MRPL48: variants seen among roughly 807,000 people sequenced by gnomAD.
MRPL48 encodes the protein mitochondrial ribosomal protein L48.
In MRPL48, 16 loss-of-function variants were observed where a neutral mutation model predicts 32.9. The observed-to-expected ratio is 0.49, with a 90% CI of 0.33 to 0.74. The LOEUF (loss-of-function observed/expected upper bound fraction) is 0.74, where lower values mean the gene tolerates loss of function less well. Among genes scored for constraint, MRPL48 ranks in the 30% least tolerant of loss-of-function variants. MRPL48 has a pLI of 0.02. For missense variants in MRPL48, 206 were observed against 245.3 expected (o/e 0.84, Z 1.07); for synonymous variants, 94 against 89.2 (o/e 1.05, Z -0.31).
chr11:73,805,816 GCCC>G (rs1421030771), intron 2 of MRPL48, among the ~76,000 whole-genome samples: 5 of 151,452 alleles, frequency 3.3e-5, no homozygotes, highest in Non-Finnish European at 5.9e-5. Flanking sequence ...GTACTAGCAT[GCCC>G]CATTCGTTTT....
Position 73,801,062 on chromosome 11 carries a change from C to T in MRPL48, c.22-3965C>T, listed in dbSNP as rs536977860. 1.9e-3 allele frequency among the ~76,000 whole-genome samples: 289 copies of T among 152,194 alleles called. 3 individuals are homozygous for T. Among genetic ancestry groups the T allele is most frequent in the African/African-American group, 6.8e-3 (283 of 41,546 alleles). ...CGGACCTCAGGTGATCCGCCCACCT[C>T]GGCCTCCCAAAGTGCTGGGATTACA... On this transcript the variant is annotated intron_variant, in intron 1 of 7. Coordinates refer to ENST00000310614, the MANE Select transcript of MRPL48 (RefSeq NM_016055.6).
chr11:73,862,895 G>C lies in MRPL48; in HGVS notation c.475-277G>C, dbSNP rs1670573. Among the ~76,000 whole-genome samples, 728 of 152,276 alleles carry C rather than the reference G, an allele frequency of 4.8e-3. 4 individuals are homozygous for C. The highest frequency in any genetic ancestry group is 0.017 in the African/African-American group (694 of 41,554). ...GATTGTTCTACTGCGCTCCAGCCTGGGCAACAGAAAGAAACCCTGGACTTT... is the reference window on the plus strand; with the variant it reads ...GATTGTTCTACTGCGCTCCAGCCTGCGCAACAGAAAGAAACCCTGGACTTT... On this transcript the variant is annotated intron_variant, in intron 6 of 7. Coordinates refer to ENST00000310614, the MANE Select transcript of MRPL48 (RefSeq NM_016055.6).
chr11:73,803,813 T>G (rs1157879715), intron 1 of MRPL48, among the ~76,000 whole-genome samples: 2 of 152,182 alleles, frequency 1.3e-5, no homozygotes, highest in Non-Finnish European at 2.9e-5. Context: ...AGGGAATTGC[T>G]TGAGTCCAGG....
chr11:73,828,433 C>T (rs1947939244), intron 4 of MRPL48, among the ~76,000 whole-genome samples: 1 of 151,884 alleles, frequency 6.6e-6, no homozygotes, highest in Admixed American at 6.6e-5. Flanking sequence ...GCCATGTTGC[C>T]CAGACTGGTC....
At chr11:73,807,388 C>CTT (rs34790215) in intron 2 of MRPL48, among the ~76,000 whole-genome samples, 263 of 147,424 alleles carry the variant, frequency 1.8e-3, no homozygotes, top group African/African-American at 3.2e-3. Flanking sequence ...CTTCCATCTT[C>CTT]TTTTTTTTTT....
At chr11:73,794,942 G>C (rs1460603197) in intron 1 of MRPL48, among the ~76,000 whole-genome samples, 4 of 143,426 alleles carry the variant, frequency 2.8e-5, no homozygotes, top group Non-Finnish European at 6.1e-5. Context: ...ATGGAGTCTT[G>C]CTCCGTCGCC....
chr11:73,842,851 GCC>G (rs1446823978), intron 4 of MRPL48: 2 of 152,524 alleles, frequency 1.3e-5, no homozygotes, highest in African/African-American at 4.8e-5. Context: ...TCACTCTGTT[GCC>G]CAAGCTAGAG....
chr11:73,833,428 T>G (rs1948032140), intron 4 of MRPL48, among the ~76,000 whole-genome samples: 1 of 152,122 alleles, frequency 6.6e-6, no homozygotes, highest in Non-Finnish European at 1.5e-5. Flanking sequence ...ATAATAGTAA[T>G]GACCCTTTTC....
intron 4 of MRPL48, among the ~76,000 whole-genome samples, chr11:73,829,713 C>T (rs1947958778): frequency 6.6e-6 from 1 of 152,198 alleles, no homozygotes; most frequent in Admixed American, 6.5e-5. Flanking sequence ...TCTTGTGCTT[C>T]CTCTGTCCTA....
At chr11:73,816,785 G>T (rs975279628) in intron 3 of MRPL48, among the ~76,000 whole-genome samples, 35 of 150,466 alleles carry the variant, frequency 2.3e-4, no homozygotes, top group African/African-American at 8.1e-4. Context: ...TTAGTATCTG[G>T]TAGCTACCTA....
intron 4 of MRPL48, among the ~76,000 whole-genome samples, chr11:73,830,593 C>T (rs1432939849): frequency 6.6e-6 from 1 of 152,150 alleles, no homozygotes; most frequent in African/African-American, 2.4e-5. Flanking sequence ...AATAAGTTGG[C>T]CAGATTCCCA....
intron 5 of MRPL48, among the ~76,000 whole-genome samples, chr11:73,847,865 T>C (rs1948322678): frequency 6.6e-6 from 1 of 152,082 alleles, no homozygotes; most frequent in South Asian, 2.1e-4. Context: ...CAGTTGTGAG[T>C]CACTGCACCT....
intron 1 of MRPL48, among the ~76,000 whole-genome samples, chr11:73,804,003 T>G (rs1947401924): frequency 6.6e-6 from 1 of 152,164 alleles, no homozygotes; most frequent in Non-Finnish European, 1.5e-5. Context: ...CACTGCAACC[T>G]CCGCCTCCTG....
At chr11:73,832,439 T>C (rs1414958440) in intron 4 of MRPL48, 1 of 152,336 alleles carries the variant, frequency 6.6e-6, no homozygotes, top group Non-Finnish European at 1.5e-5. Flanking sequence ...TTTATGGTTA[T>C]AGTCCTGGCT....
At position 73,864,362 on chromosome 11, in the gene MRPL48, T is replaced by C. The variant is rs1948632563; in HGVS notation, c.631T>C (p.Leu211=). 1 of 1,613,800 alleles carries C rather than the reference T, an allele frequency of 6.2e-7. No homozygotes were observed. The highest frequency in any genetic ancestry group is 2.2e-5 in the East Asian group (1 of 44,872). Residue 211 remains leucine, a synonymous_variant, in exon 8 of 8, where the codon TTG becomes CTG. Coordinates refer to ENST00000310614, the MANE Select transcript of MRPL48 (RefSeq NM_016055.6). The part of the protein sequence containing the change: ...RPELEELLAK[L]K ...AGAACTGGAAGAACTGTTGGCCAAG[T>C]TGAAGTAGCTACTGTAGACCCTTTC...
chr11:73,852,393 C>CAAAAAAAA (rs10554131), intron 5 of MRPL48, among the ~76,000 whole-genome samples: 22 of 83,312 alleles, frequency 2.6e-4, no homozygotes, highest in East Asian at 9.1e-4. Flanking sequence ...AACTCTATAG[C>CAAAAAAAA]AAAAAAAAAA....
At chr11:73,825,284 A>ATATG (rs146232365) in intron 3 of MRPL48, among the ~76,000 whole-genome samples, 14,676 of 139,680 alleles carry the variant, frequency 0.11, 859 homozygotes, top group African/African-American at 0.16. Context: ...TTTTTTATAT[A>ATATG]TGTGTGTGTG....
At chr11:73,843,895 C>T (rs1948236693) in intron 4 of MRPL48, among the ~76,000 whole-genome samples, 1 of 151,854 alleles carries the variant, frequency 6.6e-6, no homozygotes, top group South Asian at 2.1e-4. Context: ...TCTGGCCAAC[C>T]TTGGTAAACC....
At chr11:73,852,888 G>A (rs1380946314) in intron 5 of MRPL48, among the ~76,000 whole-genome samples, 3 of 152,164 alleles carry the variant, frequency 2.0e-5, no homozygotes, top group Non-Finnish European at 4.4e-5. Context: ...AAATGTACAT[G>A]TATACAATAG....
Sources: gnomAD v4.1 joint callset for allele counts (sites outside exome capture counted in the v4.1 genomes callset) on GRCh38, gnomAD v4.1.1 for gene constraint, MANE v1.5 for transcripts, NCBI Gene and HGNC (gene_info 2026-07-23, HGNC 2026-07-21) for gene names.